GLI1: variants seen among roughly 807,000 people sequenced by gnomAD.
GLI1 encodes the protein transcription activator GLI1.
In GLI1, 51 loss-of-function variants were observed where a neutral mutation model predicts 87.8. The ratio of observed to expected loss-of-function variants is 0.58; its 90% CI spans 0.46 to 0.73. The LOEUF is 0.73. Among genes scored for constraint, GLI1 ranks in the 30% least tolerant of loss-of-function variants. GLI1 has a pLI of 0.00. For synonymous variants in GLI1, 528 were observed against 558.2 expected, an observed-to-expected ratio of 0.95 and a Z score of 0.76; for missense variants, 1,292 against 1,437.2, an observed-to-expected ratio of 0.90 and a Z score of 1.63.
rs140083768 is a variant in GLI1 at position 57,466,877 on chromosome 12, C to T, written c.913-456C>T. On this transcript the variant is annotated intron_variant, in intron 8 of 11. Transcript: ENST00000228682. ...TGAGATGGCGCCACTGCACTCCAGC[C>T]TGGGCGACAGAGCAAAACTCCGCCT... Among the ~76,000 whole-genome samples the T allele has an allele frequency of 1.7e-3, 255 of 152,060 alleles. 2 individuals are homozygous for T. Among genetic ancestry groups the T allele is most frequent in the African/African-American group, 5.9e-3 (244 of 41,472 alleles).
intron 8 of GLI1, among the ~76,000 whole-genome samples, chr12:57,467,088 G>A (rs896010454): frequency 9.9e-5 from 15 of 152,220 alleles, no homozygotes. Flanking sequence ...AGAGAAATCT[G>A]CCCTGGCTTG....
At position 57,471,484 on chromosome 12, in the gene GLI1, G is replaced by A; in HGVS notation, c.2744G>A (p.Arg915Lys). The change falls in exon 12 of 12, where the codon AGG becomes AAG. Residue 915 changes from arginine (R) to lysine (K), a missense_variant. This residue lies in a region of GLI1 where 897 missense variants were observed against 1,040.7 expected (regional missense o/e 0.86). Coordinates refer to ENST00000228682, the MANE Select transcript of GLI1 (RefSeq NM_005269.3). The surrounding 1 kb of genome is among the most constrained non-coding windows in gnomAD (Gnocchi z 4.9). ...GAGCTACTGTGGGAGGGTGGGGGCAGGGAAGATGCCCCCGCCCAGGAACCT... is the reference window on the plus strand; with the variant it reads ...GAGCTACTGTGGGAGGGTGGGGGCAAGGAAGATGCCCCCGCCCAGGAACCT... ...QQELLWEGGG[R>K]EDAPAQEPSY... 6.2e-7 allele frequency: 1 copy of A among 1,609,896 alleles called. No homozygotes were observed. Among genetic ancestry groups the A allele is most frequent in the South Asian group, 1.1e-5 (1 of 90,840 alleles).
chr12:57,470,572 G>A lies in GLI1; in HGVS notation c.1832G>A (p.Arg611Gln), dbSNP rs765569651. ...CCCACTGCAGCATCCAGCCTGGATCGGATAGGTGGTCTTCCCATGCCTCCT... is the reference window on the plus strand; with the variant it reads ...CCCACTGCAGCATCCAGCCTGGATCAGATAGGTGGTCTTCCCATGCCTCCT... ...TSPTAASSLD[R>Q]IGGLPMPPWR... Residue 611 changes from arginine to glutamine, a missense_variant, in exon 12 of 12, where the codon CGG (arginine) becomes CAG (glutamine). By Grantham distance (43) the Arg-to-Gln change is conservative. Around this residue, in one of 3 missense-constraint regions of GLI1, gnomAD observed 897 missense variants for 1,040.7 expected, o/e 0.86. Transcript: ENST00000228682. 24 of 1,613,964 alleles carry A rather than the reference G, an allele frequency of 1.5e-5. No individual in the cohort carries two copies. The highest frequency in any genetic ancestry group is 6.7e-5 in the African/African-American group (5 of 74,932).
chr12:57,467,538 C>T, intron 9 of GLI1, 41 bp downstream of exon 9: 1 of 1,515,598 alleles, frequency 6.6e-7, no homozygotes, highest in Non-Finnish European at 9.0e-7. Context: ...CTTGAGAAGC[C>T]ACCTACCAGG....
rs1281765321 is a variant in GLI1 at position 57,459,995 on chromosome 12, A to G, written c.-234A>G. ...GAGAAAAAGTTTTTGCAAAAGGGAA[A>G]AAAAAAGTTTGCGCTTCTCGCGGGT... On this transcript the variant is annotated 5_prime_UTR_variant, in exon 1 of 12. Transcript: ENST00000228682. 3 of 150,414 alleles carry G rather than the reference A, an allele frequency of 2.0e-5. No homozygotes were observed. The highest frequency in any genetic ancestry group is 7.3e-5 in the African/African-American group (3 of 40,846). 9.3% of individuals were successfully genotyped at this position (150,414 alleles called of 1,614,324 possible). A position where few individuals can be genotyped will look rare whatever the true frequency, so the allele number is the denominator to read the frequency against.
At chr12:57,465,335 G>A in intron 5 of GLI1, 80 bp downstream of exon 5, 1 of 1,304,116 alleles carries the variant, frequency 7.7e-7, no homozygotes, top group East Asian at 2.3e-5. Context: ...AAAGGTGAAG[G>A]AAGGACAAGG....
At chr12:57,463,852 C>A in intron 2 of GLI1, 61 bp downstream of exon 2, 1 of 1,109,504 alleles carries the variant, frequency 9.0e-7, no homozygotes. Context: ...CTTGGGCCCA[C>A]CCCCACCCCA....
rs2228226 is a variant in GLI1, at chr12:57,472,038, G to C, written c.3298G>C (p.Glu1100Gln). 988,019 of 1,496,380 alleles carry C rather than the reference G, an allele frequency of 0.66. 331,552 individuals carry two copies. The highest frequency in any genetic ancestry group is 0.78 in the African/African-American group (54,586 of 70,424). The allele number at this position is 1,496,380 out of a possible 1,614,324, so 92.7% of individuals were successfully genotyped here. A position where few individuals can be genotyped will look rare whatever the true frequency, so the allele number is the denominator to read the frequency against. Reference protein sequence around the residue: ...VLLRSLPGETEFLNSSA With the variant: ...VLLRSLPGETQFLNSSA Reference sequence around the variant, plus strand: ...ACTGAGATCCCTACCTGGGGAAACAGAATTCCTCAACTCTAGTGCCTAAAG... The same window carrying C: ...ACTGAGATCCCTACCTGGGGAAACACAATTCCTCAACTCTAGTGCCTAAAG... Residue 1100 changes from glutamate to glutamine, a missense_variant, in exon 12 of 12, where the codon GAA becomes CAA. This residue lies in a region of GLI1 where 897 missense variants were observed against 1,040.7 expected (regional missense o/e 0.86). Coordinates refer to ENST00000228682, the MANE Select transcript of GLI1 (RefSeq NM_005269.3).
chr12:57,464,134 G>T, intron 3 of GLI1, 43 bp downstream of exon 3: 1 of 1,268,834 alleles, frequency 7.9e-7, no homozygotes, highest in South Asian at 1.2e-5. Flanking sequence ...GCCCCTCTCT[G>T]ACTTGTTCTG....
intron 1 of GLI1, among the ~76,000 whole-genome samples, chr12:57,461,114 C>T (rs1447736255): frequency 6.6e-6 from 1 of 152,166 alleles, no homozygotes; most frequent in Non-Finnish European, 1.5e-5. Context: ...GACCCCGAAA[C>T]AATCAGCACT....
intron 10 of GLI1, among the ~76,000 whole-genome samples, chr12:57,468,498 T>A (rs1215652993): frequency 6.6e-6 from 1 of 151,968 alleles, no homozygotes; most frequent in South Asian, 2.1e-4. Context: ...TCTCTCTCTT[T>A]CTCTCTTTCT....
At chr12:57,463,179 G>A (rs1036926765) in intron 1 of GLI1, among the ~76,000 whole-genome samples, 2 of 152,040 alleles carry the variant, frequency 1.3e-5, no homozygotes, top group Non-Finnish European at 2.9e-5. Context: ...TGCCTCTCTG[G>A]GACATCATTT....
intron 10 of GLI1, 76 bp from the exon 11 acceptor site, chr12:57,469,355 C>T: frequency 6.8e-7 from 1 of 1,462,466 alleles, no homozygotes. Flanking sequence ...GTCACTGGGA[C>T]ACAGGCTTCA....
rs753530471 is a variant in GLI1, at chr12:57,464,647, T to A, written c.194-26T>A. 6 of 1,582,710 alleles carry A rather than the reference T, an allele frequency of 3.8e-6. No homozygotes were observed. The African/African-American group carries it at 8.1e-5, about 21-fold the overall frequency. On this transcript the variant is annotated intron_variant, in intron 3 of 11. Coordinates refer to ENST00000228682, the MANE Select transcript of GLI1 (RefSeq NM_005269.3). Reference sequence around the variant, plus strand: ...TGGAGAGACATGCCCCTTTACCATATCCGTCTCCGCTGTCTCCTGCCCCAG... The same window carrying A: ...TGGAGAGACATGCCCCTTTACCATAACCGTCTCCGCTGTCTCCTGCCCCAG...
Position 57,471,496 on chromosome 12 carries a change from C to T in GLI1, c.2756C>T (p.Pro919Leu), listed in dbSNP as rs1393016876. Reference protein sequence around the residue: ...LWEGGGREDAPAQEPSYQSPK... With the variant: ...LWEGGGREDALAQEPSYQSPK... Reference sequence around the variant, plus strand: ...GAGGGTGGGGGCAGGGAAGATGCCCCCGCCCAGGAACCTTCCTACCAGAGT... The same window carrying T: ...GAGGGTGGGGGCAGGGAAGATGCCCTCGCCCAGGAACCTTCCTACCAGAGT... Residue 919 changes from proline (P) to leucine (L), a missense_variant, in exon 12 of 12, where the codon CCC becomes CTC. Physicochemically the swap from Pro to Leu is moderately conservative, Grantham distance 98. Around this residue, in one of 3 missense-constraint regions of GLI1, gnomAD observed 897 missense variants for 1,040.7 expected, o/e 0.86. Transcript: ENST00000228682. This position sits in a 1 kb window ranked among gnomAD's most constrained non-coding sequence, Gnocchi z 4.9. 1.2e-6 allele frequency: 2 copies of T among 1,610,596 alleles called. No homozygotes were observed. Among genetic ancestry groups the T allele is most frequent in the Non-Finnish European group, 1.7e-6 (2 of 1,178,616 alleles).
chr12:57,468,652 G>A (rs1038337915), intron 10 of GLI1, among the ~76,000 whole-genome samples: 2 of 151,978 alleles, frequency 1.3e-5, no homozygotes, highest in African/African-American at 2.4e-5. Flanking sequence ...TTTAGAGATC[G>A]AGTCTTGCTA....
At chr12:57,466,586 A>AT (rs916982941) in intron 8 of GLI1, among the ~76,000 whole-genome samples, 197 bp downstream of exon 8, 64 of 152,100 alleles carry the variant, frequency 4.2e-4, no homozygotes, top group Admixed American at 3.3e-3. Context: ...CTAAAAGCTC[A>AT]TTTTTTTCCC....
rs1184432538 is a variant in GLI1, at chr12:57,471,708, C to T, written c.2968C>T (p.Arg990Ter). 1.9e-6 allele frequency: 3 copies of T among 1,588,058 alleles called. No individual in the cohort carries two copies. The highest frequency in any genetic ancestry group is 1.8e-5 in the Admixed American group (1 of 57,074). The change falls in exon 12 of 12, where the codon CGA (arginine) becomes TGA (stop). Residue 990 changes from arginine to a stop codon, truncating the protein, a stop_gained. Transcript: ENST00000228682. LOFTEE classifies it high-confidence loss of function. This position sits in a 1 kb window ranked among gnomAD's most constrained non-coding sequence, Gnocchi z 4.9. ...RASHRAAAPP[R>*]LLPPLPTCYG... ...TTCACATAGGGCAGCAGCACCACCT[C>T]GACTTCTGCCCCCATTGCCCACTTG...
intron 11 of GLI1, 81 bp downstream of exon 11, chr12:57,469,779 G>C: frequency 7.7e-7 from 1 of 1,294,684 alleles, no homozygotes; most frequent in Non-Finnish European, 1.1e-6. Flanking sequence ...CACCCTTGAG[G>C]GCTGTCACAC....
Sources: gnomAD v4.1 joint callset for allele counts (sites outside exome capture counted in the v4.1 genomes callset) on GRCh38, gnomAD v4.1.1 for gene constraint, gnomAD v4.1.1 regional missense constraint, Gnocchi (gnomAD v3.1) non-coding constraint, MANE v1.5 for transcripts, NCBI Gene and HGNC (gene_info 2026-07-23, HGNC 2026-07-21) for gene names.